The following SASH1 variants were observed in gnomAD, a reference collection of about 807,000 sequenced individuals.
The protein encoded by SASH1 is SAM and SH3 domain containing 1.
In SASH1, 44 loss-of-function variants were observed where a neutral mutation model predicts 125.2. The ratio of observed to expected loss-of-function variants is 0.35; its 90% CI spans 0.28 to 0.45. SASH1 has a LOEUF of 0.45. Ranked by LOEUF, SASH1 falls within the 20% of genes least tolerant of loss-of-function variation. SASH1 has a pLI of 1.00. For synonymous variants in SASH1, 639 were observed against 649.1 expected (o/e 0.98, Z 0.24); for missense variants, 1,426 against 1,614.5 (o/e 0.88, Z 2.00).
rs1262993598 is a variant in SASH1, at chr6:148,533,553, G to A, written c.1735-218G>A. On this transcript the variant is annotated intron_variant, in intron 14 of 19. Coordinates refer to ENST00000367467, the MANE Select transcript of SASH1 (RefSeq NM_015278.5). This position sits in a 1 kb window ranked among gnomAD's most constrained non-coding sequence, Gnocchi z 6.2. ...GAGGGTGGAGGGGCTGTGACCGGGG[G>A]CCTGCGTGGAATTCCGTACAGTCAG... Among the ~76,000 whole-genome samples the A allele has an allele frequency of 6.6e-6, 1 of 152,108 alleles. No homozygotes were observed. Among genetic ancestry groups the A allele is most frequent in the Non-Finnish European group, 1.5e-5 (1 of 68,020 alleles).
At position 148,363,691 on chromosome 6, in the gene SASH1, C is replaced by T. The variant is rs1021979082; in HGVS notation, c.156+20468C>T. ...CTGGGATTACAGGCATAAGCCACCA[C>T]GCCCGGCCGATTGAGGCTCTTCTTA... On this transcript the variant is annotated intron_variant, in intron 1 of 19. Transcript: ENST00000367467. 5.9e-5 allele frequency among the ~76,000 whole-genome samples: 9 copies of T among 151,934 alleles called. No homozygotes were observed. The South Asian group carries it at 1.2e-3, about 21-fold the overall frequency.
chr6:148,540,579 G>C, intron 17 of SASH1, 23 bp downstream of exon 17: 1 of 1,569,952 alleles, frequency 6.4e-7, no homozygotes. Context: ...TGAGTCGCTG[G>C]GAACCTGCTT....
At chr6:148,330,565 A>G (rs1780963415) in intron 1 of SASH1, among the ~76,000 whole-genome samples, 1 of 152,120 alleles carries the variant, frequency 6.6e-6, no homozygotes, top group Non-Finnish European at 1.5e-5. Context: ...GTCTCTTATT[A>G]ACACATTCCT....
rs530666006 is a variant in SASH1 at position 148,492,421 on chromosome 6, T to C, written c.729+4706T>C. 1.1e-3 allele frequency among the ~76,000 whole-genome samples: 170 copies of C among 152,354 alleles called. 1 individual carries two copies. The highest frequency in any genetic ancestry group is 2.1e-3 in the Non-Finnish European group (142 of 68,038). ...CATTTGGGAGACGTTTATGGAGCCCTTGCTATATAGCAGGCATTGTGCTAG... is the reference window on the plus strand; with the variant it reads ...CATTTGGGAGACGTTTATGGAGCCCCTGCTATATAGCAGGCATTGTGCTAG... On this transcript the variant is annotated intron_variant, in intron 8 of 19. Transcript: ENST00000367467.
chr6:148,443,342 A>G (rs1362979638), intron 4 of SASH1, among the ~76,000 whole-genome samples: 1 of 149,702 alleles, frequency 6.7e-6, no homozygotes, highest in Non-Finnish European at 1.5e-5. Context: ...ATGTCCGTTT[A>G]TTTCATTATT....
chr6:148,443,190 C>T (rs1245214146), intron 4 of SASH1, among the ~76,000 whole-genome samples: 2 of 148,562 alleles, frequency 1.3e-5, no homozygotes, highest in African/African-American at 2.5e-5. Context: ...GTTGGTGTCA[C>T]GTCTTTTGTC....
intron 1 of SASH1, among the ~76,000 whole-genome samples, chr6:148,382,018 T>G (rs1783159883): frequency 6.6e-6 from 1 of 152,222 alleles, no homozygotes; most frequent in Non-Finnish European, 1.5e-5. Flanking sequence ...CCAAAGACTC[T>G]GTGGGGGATT....
the SASH1 span, among the ~76,000 whole-genome samples, chr6:148,200,714 C>G: frequency 2.0e-5 from 3 of 152,142 alleles, no homozygotes; most frequent in Admixed American, 6.5e-5. Flanking sequence ...TAGTAACACT[C>G]AAAATAGCCT....
At chr6:148,477,367 A>T (rs1409712082) in intron 7 of SASH1, among the ~76,000 whole-genome samples, 1 of 152,162 alleles carries the variant, frequency 6.6e-6, no homozygotes, top group East Asian at 1.9e-4. Flanking sequence ...ACTCAATAGG[A>T]AAAAAAATCC....
At chr6:148,262,713 T>C in the SASH1 span, among the ~76,000 whole-genome samples, 4 of 152,036 alleles carry the variant, frequency 2.6e-5, no homozygotes, top group African/African-American at 4.8e-5. Flanking sequence ...GGAAACCCCA[T>C]CTCTAGTAAA....
At chr6:148,310,074 C>A (rs141687418) in intron 1 of SASH1, among the ~76,000 whole-genome samples, 3 of 152,096 alleles carry the variant, frequency 2.0e-5, no homozygotes, top group Non-Finnish European at 2.9e-5. Flanking sequence ...GTAATCCCAG[C>A]GCTTTGGGAA....
At chr6:148,356,146 G>T (rs1349981773) in intron 1 of SASH1, among the ~76,000 whole-genome samples, 3 of 150,280 alleles carry the variant, frequency 2.0e-5, no homozygotes, top group East Asian at 3.9e-4. Context: ...GTGCAGTGGC[G>T]TGATCTCTGC....
chr6:148,356,494 C>T (rs1031642929), intron 1 of SASH1, among the ~76,000 whole-genome samples: 64 of 116,228 alleles, frequency 5.5e-4, no homozygotes, highest in African/African-American at 6.7e-4. Context: ...ACTTTTAGTT[C>T]TTTTTTTTTT....
chr6:148,261,922 G>A, the SASH1 span, among the ~76,000 whole-genome samples: 5 of 152,246 alleles, frequency 3.3e-5, no homozygotes, highest in Admixed American at 6.5e-5. Context: ...ATTTGTCTTC[G>A]GGATCTTTCT....
chr6:148,478,022 G>A (rs1778446291), intron 7 of SASH1, among the ~76,000 whole-genome samples: 1 of 152,052 alleles, frequency 6.6e-6, no homozygotes, highest in African/African-American at 2.4e-5. Context: ...CCAAAAGACA[G>A]GCAATAACAA....
chr6:148,420,240 A>G (rs79568892), intron 2 of SASH1, among the ~76,000 whole-genome samples: 1,800 of 152,232 alleles, frequency 0.012, 32 homozygotes, highest in African/African-American at 0.04. Flanking sequence ...ATCAAATCTG[A>G]CTCTGGGTCT....
At chr6:148,377,778 A>T (rs4896999) in intron 1 of SASH1, among the ~76,000 whole-genome samples, 13,917 of 152,230 alleles carry the variant, frequency 0.091, 867 homozygotes, top group South Asian at 0.21. Context: ...CCATCAAATA[A>T]TAGGAGAAAT....
At chr6:148,348,943 G>T (rs1411033298) in intron 1 of SASH1, among the ~76,000 whole-genome samples, 4 of 152,256 alleles carry the variant, frequency 2.6e-5, no homozygotes, top group Non-Finnish European at 5.9e-5. Context: ...CTTCACTCAG[G>T]ATCAGCAACC....
At chr6:148,492,647 G>A (rs1231395967) in intron 8 of SASH1, among the ~76,000 whole-genome samples, 1 of 151,810 alleles carries the variant, frequency 6.6e-6, no homozygotes, top group Non-Finnish European at 1.5e-5. Context: ...GTGAAACCCG[G>A]TCTCTACAAA....
Sources: gnomAD v4.1 joint callset for allele counts (sites outside exome capture counted in the v4.1 genomes callset) on GRCh38, gnomAD v4.1.1 for gene constraint, Gnocchi (gnomAD v3.1) non-coding constraint, MANE v1.5 for transcripts, NCBI Gene and HGNC (gene_info 2026-07-23, HGNC 2026-07-21) for gene names.